HRH1: variants seen among roughly 807,000 people sequenced by gnomAD.
HRH1 encodes histamine H1 receptor.
In HRH1, 6 loss-of-function variants were observed where a neutral mutation model predicts 10.3. That is an observed-to-expected ratio of 0.58 (90% CI 0.32 to 1.15). The LOEUF is 1.15. HRH1 is among the 50% of genes most tolerant of loss of function. HRH1 has a pLI of 0.05. For missense variants in HRH1, 514 were observed against 615.3 expected (o/e 0.84, Z 1.74); for synonymous variants, 242 against 236.7 (o/e 1.02, Z -0.21).
At chr3:11,163,257 C>A (rs1936961884) in intron 1 of HRH1, among the ~76,000 whole-genome samples, 1 of 152,174 alleles carries the variant, frequency 6.6e-6, no homozygotes, top group Non-Finnish European at 1.5e-5. Flanking sequence ...AGGCAGCCCC[C>A]TTCTATCCCC....
At chr3:11,177,988 A>G (rs1937278908) in intron 1 of HRH1, among the ~76,000 whole-genome samples, 2 of 152,164 alleles carry the variant, frequency 1.3e-5, no homozygotes, top group South Asian at 4.1e-4. Context: ...CTCAACATGC[A>G]TGCAGCCTGC....
intron 1 of HRH1, among the ~76,000 whole-genome samples, chr3:11,239,551 C>T: frequency 6.6e-6 from 1 of 152,114 alleles, no homozygotes; most frequent in East Asian, 1.9e-4. Context: ...TTAAAAATTC[C>T]TTATGCCTTT....
In HRH1 at chr3:11,231,899, T is replaced by C. The variant is rs575010396; in HGVS notation, c.-35-27104T>C. ...GTCACAAGTCTAATAACGTTTTGCT[T>C]AGCTGTGGATCCTGAAGATTTCCTC... On this transcript the variant is annotated intron_variant, in intron 1 of 1. Transcript: ENST00000431010. Among the ~76,000 whole-genome samples the C allele has an allele frequency of 2.1e-3, 322 of 152,306 alleles. 4 individuals are homozygous for C. The highest frequency in any genetic ancestry group is 3.9e-3 in the Non-Finnish European group (266 of 68,020).
chr3:11,151,307 C>A (rs1209146986), upstream of HRH1, among the ~76,000 whole-genome samples: 2 of 152,156 alleles, frequency 1.3e-5, no homozygotes, highest in African/African-American at 4.8e-5. Flanking sequence ...TAAAATAAAG[C>A]TGACAGAAAA....
At chr3:11,169,665 T>G (rs1937115512) in intron 1 of HRH1, among the ~76,000 whole-genome samples, 1 of 152,142 alleles carries the variant, frequency 6.6e-6, no homozygotes, top group African/African-American at 2.4e-5. Context: ...CCGTTGACCC[T>G]TCTCTCTGCA....
At chr3:11,159,255 C>G (rs1275862386) in intron 1 of HRH1, among the ~76,000 whole-genome samples, 2 of 151,926 alleles carry the variant, frequency 1.3e-5, no homozygotes, top group Non-Finnish European at 2.9e-5. Context: ...CTCAAAAAAA[C>G]AAAACAAAAA....
At chr3:11,144,479 A>ATCCC (rs1936383394) in intron 1 of HRH1, among the ~76,000 whole-genome samples, 1 of 143,204 alleles carries the variant, frequency 7.0e-6, no homozygotes, top group African/African-American at 2.5e-5. Flanking sequence ...ATAGACATAT[A>ATCCC]TATACACACA....
chr3:11,227,381 G>A (rs1938919526), intron 1 of HRH1, among the ~76,000 whole-genome samples: 1 of 151,626 alleles, frequency 6.6e-6, no homozygotes, highest in Admixed American at 6.6e-5. Context: ...CCGCCTCCCT[G>A]GTTCAAGCAA....
intron 1 of HRH1, among the ~76,000 whole-genome samples, chr3:11,224,371 T>C (rs1259285607): frequency 6.6e-6 from 1 of 152,146 alleles, no homozygotes; most frequent in African/African-American, 2.4e-5. Context: ...GAATAGGGCC[T>C]CACTTCTCTT....
chr3:11,137,644 G>A lies in HRH1; in HGVS notation c.-36+245G>A, dbSNP rs144533410. On this transcript the variant is annotated intron_variant, in intron 1 of 1. Transcript: ENST00000438284. ...GGCTGATTGGATGGTGGAGTGATGG[G>A]GGAGGAGTCCAGTCAGCCCCCAGTG... is the stretch of plus-strand genomic sequence containing the variant. 1.6e-3 allele frequency among the ~76,000 whole-genome samples: 238 copies of A among 152,268 alleles called. 1 individual carries two copies. The highest frequency in any genetic ancestry group is 5.4e-3 in the African/African-American group (226 of 41,542).
intron 1 of HRH1, among the ~76,000 whole-genome samples, chr3:11,218,793 C>T (rs936739041): frequency 7.9e-5 from 12 of 152,290 alleles, no homozygotes; most frequent in African/African-American, 2.9e-4. Flanking sequence ...CCAGGCTGGT[C>T]TCAAACTCCT....
intron 1 of HRH1, among the ~76,000 whole-genome samples, chr3:11,212,866 C>T (rs1446985590): frequency 6.6e-6 from 1 of 152,184 alleles, no homozygotes; most frequent in Non-Finnish European, 1.5e-5. Context: ...TTTATCTCCC[C>T]TCACTCACTC....
intron 1 of HRH1, among the ~76,000 whole-genome samples, chr3:11,190,057 C>A (rs1047888326): frequency 3.3e-5 from 5 of 152,120 alleles, no homozygotes; most frequent in African/African-American, 1.2e-4. Flanking sequence ...GAAGCCTAGC[C>A]TTTCTGGTGT....
At chr3:11,210,435 G>C (rs975102375) in intron 1 of HRH1, among the ~76,000 whole-genome samples, 15 of 152,060 alleles carry the variant, frequency 9.9e-5, no homozygotes, top group African/African-American at 3.6e-4. Flanking sequence ...TCCCGACCTT[G>C]CAAAACTACT....
intron 1 of HRH1, among the ~76,000 whole-genome samples, chr3:11,228,368 G>A (rs943745485): frequency 2.6e-5 from 4 of 152,146 alleles, no homozygotes; most frequent in Non-Finnish European, 5.9e-5. Context: ...GCAACAGAAC[G>A]AGAACCTGTC....
At chr3:11,164,088 A>G (rs1041791552) in intron 1 of HRH1, among the ~76,000 whole-genome samples, 1 of 152,246 alleles carries the variant, frequency 6.6e-6, no homozygotes, top group Non-Finnish European at 1.5e-5. Context: ...TGAATGAGTG[A>G]GCAGGACTTT....
At chr3:11,175,274 A>G (rs940978917) in intron 1 of HRH1, among the ~76,000 whole-genome samples, 10 of 152,280 alleles carry the variant, frequency 6.6e-5, no homozygotes, top group African/African-American at 2.2e-4. Context: ...GTTAAGGATC[A>G]GCAAGATTAT....
At chr3:11,212,541 C>T (rs555459843) in intron 1 of HRH1, among the ~76,000 whole-genome samples, 2 of 152,180 alleles carry the variant, frequency 1.3e-5, no homozygotes, top group Admixed American at 6.5e-5. Flanking sequence ...GCTGTGGGAG[C>T]CTCAGAGACT....
At chr3:11,151,499 G>T (rs989931203), upstream of HRH1, among the ~76,000 whole-genome samples, 7 of 134,988 alleles carry the variant, frequency 5.2e-5, no homozygotes, top group Non-Finnish European at 7.6e-5. Context: ...TTCCTTTTTT[G>T]GGGGGGCGGT....
Sources: gnomAD v4.1 joint callset for allele counts (sites outside exome capture counted in the v4.1 genomes callset) on GRCh38, gnomAD v4.1.1 for gene constraint, MANE v1.5 for transcripts, NCBI Gene and HGNC (gene_info 2026-07-23, HGNC 2026-07-21) for gene names.